The following CATSPERE variants were observed in gnomAD, a reference collection of about 807,000 sequenced individuals.
CATSPERE encodes the protein cation channel sperm-associated auxiliary subunit epsilon.
CATSPERE carries 93 observed loss-of-function variants against 114.1 expected under a neutral mutation model. That is an observed-to-expected ratio of 0.81 (90% CI 0.69 to 0.97). The LOEUF (loss-of-function observed/expected upper bound fraction) is 0.97, where lower values mean the gene tolerates loss of function less well. CATSPERE is among the 50% of genes least tolerant of loss of function. The pLI, the probability that CATSPERE is intolerant of heterozygous loss-of-function variation, is 0.00. For synonymous variants in CATSPERE, 341 were observed against 384.1 expected (o/e 0.89, Z 1.31); for missense variants, 1,058 against 1,131.6 (o/e 0.93, Z 0.93).
intron 20 of CATSPERE, among the ~76,000 whole-genome samples, chr1:244,621,007 TATATATATAAAATATATATAA>T (rs1553388169): frequency 9.7e-6 from 1 of 103,058 alleles, no homozygotes; most frequent in African/African-American, 3.7e-5. Context: ...GATTAAAATA[TATATATATAAAATATATATAA>T]ATATATATAA....
intron 7 of CATSPERE, among the ~76,000 whole-genome samples, chr1:244,512,031 G>A (rs544020471): frequency 6.6e-6 from 1 of 152,230 alleles, no homozygotes; most frequent in South Asian, 2.1e-4. Flanking sequence ...CCTTTTTTGG[G>A]TTAAATCTAT....
chr1:244,461,544 G>T (rs756581431), intron 1 of CATSPERE, 50 bp downstream of exon 1: 6 of 1,253,004 alleles, frequency 4.8e-6, no homozygotes, highest in Middle Eastern at 2.2e-4. Flanking sequence ...ATTACCCCCG[G>T]CGGGGCAGGC....
chr1:244,511,109 C>G (rs1246279175), intron 7 of CATSPERE, among the ~76,000 whole-genome samples: 2 of 152,090 alleles, frequency 1.3e-5, no homozygotes, highest in African/African-American at 2.4e-5. Flanking sequence ...TCCCAAAGTG[C>G]TGGGATTACA....
At chr1:244,544,449 C>T (rs1213765651) in intron 8 of CATSPERE, among the ~76,000 whole-genome samples, 1 of 152,148 alleles carries the variant, frequency 6.6e-6, no homozygotes, top group Non-Finnish European at 1.5e-5. Context: ...CAAACCCATG[C>T]TGTGATTCTT....
intron 20 of CATSPERE, among the ~76,000 whole-genome samples, chr1:244,620,111 A>C (rs1671901316): frequency 6.6e-6 from 1 of 152,194 alleles, no homozygotes; most frequent in Non-Finnish European, 1.5e-5. Context: ...ATATTATTGT[A>C]TGTGGCCGAA....
At chr1:244,514,781 A>G (rs1299119339) in intron 7 of CATSPERE, among the ~76,000 whole-genome samples, 2 of 149,764 alleles carry the variant, frequency 1.3e-5, no homozygotes, top group Non-Finnish European at 3.0e-5. Context: ...GTGAGCCGAG[A>G]TCACGTCACT....
rs374578338 is a variant in CATSPERE at position 244,639,957 on chromosome 1, T to C, written c.2732T>C (p.Leu911Pro). ...AGTGTCTACCTGGTAGCTTCTTTCC[T>C]CTTCGTCCTGATGCTGCTCTTCTTC... Reference protein sequence around the residue: ...SPSVYLVASFLFVLMLLFFTI... With the variant: ...SPSVYLVASFPFVLMLLFFTI... Residue 911 changes from leucine to proline, a missense_variant, in exon 22 of 22, where the codon CTC becomes CCC. Around this residue, in one of 2 missense-constraint regions of CATSPERE, gnomAD observed 787 missense variants for 905.6 expected, o/e 0.87. Transcript: ENST00000366534. The C allele has an allele frequency of 6.4e-7, 1 of 1,550,784 alleles. No individual in the cohort carries two copies. Among genetic ancestry groups the C allele is most frequent in the African/African-American group, 1.4e-5 (1 of 73,126 alleles).
chr1:244,547,921 A>G (rs1462747672), intron 8 of CATSPERE, among the ~76,000 whole-genome samples: 1 of 152,266 alleles, frequency 6.6e-6, no homozygotes, highest in East Asian at 1.9e-4. Flanking sequence ...GAGGACACAC[A>G]TAAACTGAAA....
chr1:244,614,779 TCTC>T (rs1671165500), intron 19 of CATSPERE, among the ~76,000 whole-genome samples: 1 of 151,976 alleles, frequency 6.6e-6, no homozygotes, highest in Non-Finnish European at 1.5e-5. Flanking sequence ...TAAGCAACCT[TCTC>T]CTCCTCATCT....
chr1:244,477,017 TG>T (rs756775169), intron 2 of CATSPERE, among the ~76,000 whole-genome samples: 17 of 152,164 alleles, frequency 1.1e-4, no homozygotes, highest in Non-Finnish European at 2.2e-4. Flanking sequence ...TTTTTTGAGA[TG>T]GAGTTTCGCT....
At chr1:244,571,937 G>A (rs1664529503) in intron 10 of CATSPERE, among the ~76,000 whole-genome samples, 1 of 152,110 alleles carries the variant, frequency 6.6e-6, no homozygotes, top group Non-Finnish European at 1.5e-5. Context: ...TAAAGGCCCT[G>A]TCTCCAAATA....
chr1:244,547,888 T>A (rs1169752465), intron 8 of CATSPERE, among the ~76,000 whole-genome samples: 2 of 152,116 alleles, frequency 1.3e-5, no homozygotes, highest in Non-Finnish European at 2.9e-5. Flanking sequence ...TAAGACCCAA[T>A]TACAAGCTGC....
At chr1:244,590,384 T>C (rs1218916835) in intron 14 of CATSPERE, among the ~76,000 whole-genome samples, 1 of 152,226 alleles carries the variant, frequency 6.6e-6, no homozygotes, top group Admixed American at 6.5e-5. Context: ...TTCTATGAGT[T>C]TTTTTGTGTG....
At chr1:244,571,428 C>A (rs1185136266) in intron 10 of CATSPERE, among the ~76,000 whole-genome samples, 1 of 152,182 alleles carries the variant, frequency 6.6e-6, no homozygotes, top group East Asian at 1.9e-4. Context: ...ATGAAATCAT[C>A]TAGCCCAACT....
chr1:244,480,668 AGT>A (rs1180440983), intron 5 of CATSPERE, among the ~76,000 whole-genome samples: 4 of 152,242 alleles, frequency 2.6e-5, no homozygotes, highest in Admixed American at 6.5e-5. Flanking sequence ...TGGTCCACGT[AGT>A]CCCTTAAAGT....
intron 19 of CATSPERE, among the ~76,000 whole-genome samples, chr1:244,612,174 T>A (rs1670826197): frequency 6.6e-6 from 1 of 152,210 alleles, no homozygotes. Context: ...GAAGTCTGAA[T>A]ATAATAGAAA....
chr1:244,538,835 A>T (rs769895850), intron 8 of CATSPERE, among the ~76,000 whole-genome samples: 21 of 152,168 alleles, frequency 1.4e-4, no homozygotes, highest in Non-Finnish European at 2.9e-4. Flanking sequence ...ACCACCTGGG[A>T]TCAGTTAGAA....
At chr1:244,529,839 T>G (rs1476214277) in intron 8 of CATSPERE, among the ~76,000 whole-genome samples, 1 of 152,160 alleles carries the variant, frequency 6.6e-6, no homozygotes, top group Non-Finnish European at 1.5e-5. Context: ...TTAGTAGTTT[T>G]ATAGTTTGAG....
intron 9 of CATSPERE, among the ~76,000 whole-genome samples, chr1:244,559,825 T>A (rs957140183): frequency 3.3e-5 from 5 of 152,224 alleles, no homozygotes; most frequent in Non-Finnish European, 1.5e-5. Flanking sequence ...AATTAAAATT[T>A]ATTAGTCCTA....
Sources: allele counts gnomAD v4.1 joint callset (sites outside exome capture counted in the v4.1 genomes callset), GRCh38; gene constraint gnomAD v4.1.1; regional missense constraint gnomAD v4.1.1; transcripts MANE v1.5; gene names NCBI Gene and HGNC (gene_info 2026-07-23, HGNC 2026-07-21).